The following COL19A1 variants were observed in gnomAD, a reference collection of about 807,000 sequenced individuals.
The protein encoded by COL19A1 is collagen alpha-1(XIX) chain.
Under a neutral mutation model 190.2 loss-of-function variants are expected in COL19A1, and 159 were observed. The ratio of observed to expected loss-of-function variants is 0.84; its 90% CI spans 0.73 to 0.95. The LOEUF is 0.95. COL19A1 is among the 40% of genes least tolerant of loss of function. COL19A1 has a pLI of 0.00. For synonymous variants in COL19A1, 509 were observed against 458.9 expected (o/e 1.11, Z -1.39); for missense variants, 1,418 against 1,431.9 (o/e 0.99, Z 0.16).
chr6:70,098,496 G>A (rs979972813), intron 15 of COL19A1: 14 of 496,604 alleles, frequency 2.8e-5, no homozygotes, highest in Non-Finnish European at 4.8e-5. Context: ...TGCCTCATTC[G>A]ACCAGTCCTG....
At chr6:69,990,010 A>G (rs1332115613) in intron 11 of COL19A1, among the ~76,000 whole-genome samples, 1 of 152,076 alleles carries the variant, frequency 6.6e-6, no homozygotes, top group East Asian at 1.9e-4. Flanking sequence ...CTCATTGCAT[A>G]TCAAAAAGCT....
intron 15 of COL19A1, among the ~76,000 whole-genome samples, chr6:70,083,448 T>C (rs1782397876): frequency 6.6e-6 from 1 of 152,242 alleles, no homozygotes; most frequent in Admixed American, 6.5e-5. Flanking sequence ...TATTTCATTT[T>C]TTTCTAGCAA....
chr6:69,944,971 A>G (rs539158096), intron 9 of COL19A1, among the ~76,000 whole-genome samples: 81 of 152,144 alleles, frequency 5.3e-4, no homozygotes, highest in Admixed American at 2.4e-3. Flanking sequence ...CCCTTTTGTT[A>G]GCAAATGTAG....
At chr6:70,160,718 G>T (rs1227167288) in intron 34 of COL19A1, among the ~76,000 whole-genome samples, 1 of 152,164 alleles carries the variant, frequency 6.6e-6, no homozygotes, top group East Asian at 1.9e-4. Context: ...TGATAATCCA[G>T]AATTCTAAAA....
chr6:70,194,424 T>C (rs1767070300), intron 48 of COL19A1, among the ~76,000 whole-genome samples: 1 of 152,174 alleles, frequency 6.6e-6, no homozygotes, highest in South Asian at 2.1e-4. Flanking sequence ...TTCCCAAACC[T>C]AACTGTGGTG....
intron 2 of COL19A1, among the ~76,000 whole-genome samples, chr6:69,888,105 C>T (rs770314963): frequency 1.4e-4 from 21 of 152,126 alleles, no homozygotes; most frequent in Non-Finnish European, 1.9e-4. Flanking sequence ...CCCTCAGAGG[C>T]CTATCTAAGG....
intron 41 of COL19A1, among the ~76,000 whole-genome samples, chr6:70,173,759 G>A (rs74942728): frequency 0.017 from 2,587 of 152,242 alleles, 77 homozygotes; most frequent in African/African-American, 0.058. Context: ...TGCTGCAAAC[G>A]GTAGCGAATA....
At chr6:69,947,727 G>A (rs1319811367) in intron 9 of COL19A1, among the ~76,000 whole-genome samples, 1 of 151,732 alleles carries the variant, frequency 6.6e-6, no homozygotes, top group Non-Finnish European at 1.5e-5. Flanking sequence ...AGGTTCAGAG[G>A]TTTTCAGACA....
chr6:70,083,991 C>T (rs553513854), intron 15 of COL19A1, among the ~76,000 whole-genome samples: 8 of 151,818 alleles, frequency 5.3e-5, no homozygotes, highest in South Asian at 4.2e-4. Flanking sequence ...TTTTTCCCCC[C>T]GGAAAAAAGA....
chr6:70,044,905 C>T (rs1779824930), intron 14 of COL19A1, among the ~76,000 whole-genome samples: 2 of 152,034 alleles, frequency 1.3e-5, no homozygotes, highest in South Asian at 2.1e-4. Context: ...TATTTTTAAG[C>T]TAGTGAAGTT....
intron 2 of COL19A1, among the ~76,000 whole-genome samples, chr6:69,893,919 CA>C (rs1178545845): frequency 1.3e-5 from 2 of 152,180 alleles, no homozygotes; most frequent in African/African-American, 4.8e-5. Context: ...AATTGTCAAC[CA>C]GAAAATGTTT....
intron 4 of COL19A1, among the ~76,000 whole-genome samples, chr6:69,905,913 G>C (rs1770519445): frequency 6.6e-6 from 1 of 152,146 alleles, no homozygotes; most frequent in South Asian, 2.1e-4. Context: ...TATTTGTTTA[G>C]AGGAAATTTT....
intron 30 of COL19A1, among the ~76,000 whole-genome samples, chr6:70,150,645 G>A (rs1202353944): frequency 6.6e-6 from 1 of 152,126 alleles, no homozygotes; most frequent in African/African-American, 2.4e-5. Context: ...ATTGTATTAA[G>A]AGTCTTGTAT....
chr6:70,102,410 C>G (rs115127749), intron 16 of COL19A1, among the ~76,000 whole-genome samples, 188 bp downstream of exon 16: 2,634 of 152,202 alleles, frequency 0.017, 84 homozygotes, highest in African/African-American at 0.058. Context: ...CACCACAAAC[C>G]AAGAGATGAG....
chr6:70,076,526 T>A (rs1781892226), intron 15 of COL19A1, among the ~76,000 whole-genome samples: 1 of 152,208 alleles, frequency 6.6e-6, no homozygotes, highest in African/African-American at 2.4e-5. Flanking sequence ...CCCTATAACC[T>A]GCACCAACAT....
At chr6:70,127,179 A>G (rs898074734) in intron 17 of COL19A1, among the ~76,000 whole-genome samples, 1 of 152,196 alleles carries the variant, frequency 6.6e-6, no homozygotes, top group African/African-American at 2.4e-5. Flanking sequence ...TAGGGAGCTG[A>G]AAAAAGACCA....
At chr6:70,051,916 C>G (rs78257235) in intron 14 of COL19A1, among the ~76,000 whole-genome samples, 11,877 of 152,030 alleles carry the variant, frequency 0.078, 597 homozygotes, top group Middle Eastern at 0.12. Context: ...TAGATGAGGC[C>G]AGCCTGCACT....
chr6:69,921,368 C>CATATATATG, intron 4 of COL19A1, among the ~76,000 whole-genome samples: 1 of 102,482 alleles, frequency 9.8e-6, no homozygotes, highest in South Asian at 3.2e-4. Context: ...TCATATATAT[C>CATATATATG]ATATATATCA....
chr6:70,123,040 A>G (rs113237253), intron 17 of COL19A1, among the ~76,000 whole-genome samples: 7 of 152,326 alleles, frequency 4.6e-5, no homozygotes, highest in African/African-American at 1.7e-4. Flanking sequence ...ACACTTCTTT[A>G]ATTTCTCAAC....
Sources: allele counts gnomAD v4.1 joint callset (sites outside exome capture counted in the v4.1 genomes callset), GRCh38; gene constraint gnomAD v4.1.1; transcripts MANE v1.5; gene names NCBI Gene and HGNC (gene_info 2026-07-23, HGNC 2026-07-21).